Variants in CELF2 observed in about 807,000 individuals in gnomAD.
CELF2 encodes the protein CUG triplet repeat RNA-binding protein 2.
A neutral mutation model predicts 62.6 loss-of-function variants in CELF2; 8 were observed. The ratio of observed to expected loss-of-function variants is 0.13; its 90% CI spans 0.07 to 0.23. The LOEUF (loss-of-function observed/expected upper bound fraction) is 0.23, where lower values mean the gene tolerates loss of function less well. Ranked by LOEUF, CELF2 falls within the 10% of genes least tolerant of loss-of-function variation. CELF2 has a pLI of 1.00. For synonymous variants in CELF2, 258 were observed against 250.0 expected, an observed-to-expected ratio of 1.03 and a Z score of -0.30; for missense variants, 333 against 671.0, an observed-to-expected ratio of 0.50 and a Z score of 5.56.
intron 2 of CELF2, among the ~76,000 whole-genome samples, chr10:10,975,242 G>A (rs939063490): frequency 2.0e-5 from 3 of 152,086 alleles, no homozygotes; most frequent in Non-Finnish European, 2.9e-5. Flanking sequence ...CACAGCCTCT[G>A]GAGTAGCTGG....
At chr10:10,680,983 T>C in the CELF2 span, among the ~76,000 whole-genome samples, 1 of 152,236 alleles carries the variant, frequency 6.6e-6, no homozygotes, top group Admixed American at 6.5e-5. Flanking sequence ...TGTAAATTCC[T>C]CATGTAAATA....
the CELF2 span, among the ~76,000 whole-genome samples, chr10:10,712,147 CAA>C: frequency 4.1e-4 from 18 of 43,422 alleles, no homozygotes; most frequent in East Asian, 2.4e-3. Context: ...AGGATAGAGA[CAA>C]AAAAAAAAAA....
chr10:10,976,953 C>A (rs1054356695), intron 2 of CELF2, among the ~76,000 whole-genome samples: 41 of 152,116 alleles, frequency 2.7e-4, no homozygotes, highest in African/African-American at 9.7e-4. Flanking sequence ...TCTGCTGTCC[C>A]CATCACTGAC....
At chr10:10,909,782 C>T (rs1405799689) in intron 1 of CELF2, among the ~76,000 whole-genome samples, 2 of 152,138 alleles carry the variant, frequency 1.3e-5, no homozygotes, top group Non-Finnish European at 2.9e-5. Context: ...CTTCCCATTA[C>T]TTGTCATTAT....
At chr10:10,531,238 C>G in the CELF2 span, among the ~76,000 whole-genome samples, 1 of 152,164 alleles carries the variant, frequency 6.6e-6, no homozygotes, top group African/African-American at 2.4e-5. Flanking sequence ...TGGGGAACAC[C>G]TACGTCAGAA....
At chr10:11,002,257 A>C (rs538267056), upstream of CELF2, among the ~76,000 whole-genome samples, 1 of 152,296 alleles carries the variant, frequency 6.6e-6, no homozygotes, top group African/African-American at 2.4e-5. This position sits in a 1 kb window ranked among gnomAD's most constrained non-coding sequence, Gnocchi z 4.4. Flanking sequence ...CTACCACGAG[A>C]ACAGAATGGG....
intron 1 of CELF2, among the ~76,000 whole-genome samples, chr10:11,019,671 T>A (rs2137978737): frequency 6.6e-6 from 1 of 152,286 alleles, no homozygotes; most frequent in African/African-American, 2.4e-5. Context: ...ATTAAGAATG[T>A]TAATTTGCTT....
chr10:11,049,662 T>C (rs1209974913), intron 1 of CELF2, among the ~76,000 whole-genome samples: 1 of 151,910 alleles, frequency 6.6e-6, no homozygotes, highest in African/African-American at 2.4e-5. Flanking sequence ...CGGCACATAC[T>C]TAGAGAATTT....
chr10:10,527,094 A>T, the CELF2 span, among the ~76,000 whole-genome samples: 160 of 152,354 alleles, frequency 1.1e-3, no homozygotes, highest in African/African-American at 3.8e-3. Flanking sequence ...TCACCACTGC[A>T]GTACTCCAAT....
chr10:11,311,387 C>T lies in CELF2; in HGVS notation c.977-2752C>T, dbSNP rs917652398. 1.6e-4 allele frequency among the ~76,000 whole-genome samples: 25 copies of T among 152,214 alleles called. No individual in the cohort carries two copies. Among genetic ancestry groups the T allele is most frequent in the African/African-American group, 6.0e-4 (25 of 41,530 alleles). ...ATCTTGAAAGAACCCATCTTCAACCCAGGCCTCAAATTATTCCTAGAAATA... is the reference window on the plus strand; with the variant it reads ...ATCTTGAAAGAACCCATCTTCAACCTAGGCCTCAAATTATTCCTAGAAATA... On this transcript the variant is annotated intron_variant, in intron 9 of 12. Transcript: ENST00000633077. This position sits in a 1 kb window ranked among gnomAD's most constrained non-coding sequence, Gnocchi z 4.7.
rs1352643644 is a variant in CELF2 at position 11,319,239 on chromosome 10, T to G, written c.1097-1950T>G. On this transcript the variant is annotated intron_variant, in intron 10 of 12. Transcript: ENST00000633077. This position sits in a 1 kb window ranked among gnomAD's most constrained non-coding sequence, Gnocchi z 4.4. ...GCCAAAGTGAGACCAACAGAATTTA[T>G]CAGCAGCGTCCAGCCCTTCCCGAGT... 2.8e-5 allele frequency: 11 copies of G among 391,066 alleles called. No homozygotes were observed. The highest frequency in any genetic ancestry group is 5.3e-5 in the Non-Finnish European group (10 of 190,394). 24.2% of individuals were successfully genotyped at this position (391,066 alleles called of 1,614,324 possible).
At position 11,117,590 on chromosome 10, in the gene CELF2, TAAA is replaced by T. The variant is rs1452237211; in HGVS notation, c.75-47893_75-47891del. On this transcript the variant is annotated intron_variant, in intron 1 of 12. Transcript: ENST00000633077. This position sits in a 1 kb window ranked among gnomAD's most constrained non-coding sequence, Gnocchi z 4.1. ...ATGTCTGACTCCATAATATTTATGA[TAAA>T]AACAAAAACCACGTGTGTGATGGTA... is the stretch of plus-strand genomic sequence containing the variant. Among the ~76,000 whole-genome samples the T allele has an allele frequency of 6.6e-6, 1 of 152,126 alleles. No homozygotes were observed. Among genetic ancestry groups the T allele is most frequent in the Non-Finnish European group, 1.5e-5 (1 of 68,016 alleles).
At chr10:11,197,025 A>AAAAGAAAGAAAG (rs774383276) in intron 2 of CELF2, among the ~76,000 whole-genome samples, 1,423 of 26,128 alleles carry the variant, frequency 0.054, 424 homozygotes, top group Non-Finnish European at 0.084. Context: ...AGAAAGAAAG[A>AAAAGAAAGAAAG]AAAGAAAGAA....
chr10:10,723,727 G>A, the CELF2 span, among the ~76,000 whole-genome samples: 14 of 152,278 alleles, frequency 9.2e-5, no homozygotes, highest in East Asian at 7.7e-4. Flanking sequence ...CTGGGAGGAC[G>A]AGAAAGGGGA....
intron 1 of CELF2, among the ~76,000 whole-genome samples, chr10:10,827,191 T>C (rs982346995): frequency 4.6e-5 from 7 of 152,212 alleles, no homozygotes; most frequent in African/African-American, 1.7e-4. Context: ...GAAGGACTTA[T>C]TCTCCTGCAT....
chr10:10,864,099 G>A (rs1328646572), intron 1 of CELF2, among the ~76,000 whole-genome samples: 1 of 151,918 alleles, frequency 6.6e-6, no homozygotes, highest in Non-Finnish European at 1.5e-5. Context: ...ATATAATAAG[G>A]GCTTAGTCAA....
intron 2 of CELF2, among the ~76,000 whole-genome samples, chr10:10,958,253 G>T: frequency 6.6e-6 from 1 of 152,176 alleles, no homozygotes; most frequent in East Asian, 1.9e-4. Context: ...CACTTTTCCT[G>T]GGCTTTGCAG....
chr10:10,645,201 C>A, the CELF2 span, among the ~76,000 whole-genome samples: 5 of 152,084 alleles, frequency 3.3e-5, no homozygotes, highest in African/African-American at 9.7e-5. Context: ...TCTGTGGAAT[C>A]CCCCCTTGTT....
chr10:11,141,415 A>G (rs2061341296), intron 1 of CELF2, among the ~76,000 whole-genome samples: 1 of 152,246 alleles, frequency 6.6e-6, no homozygotes, highest in Admixed American at 6.5e-5. Flanking sequence ...GAGTGAGGCT[A>G]TAAAATAAGC....
Sources: gnomAD v4.1 joint callset for allele counts (sites outside exome capture counted in the v4.1 genomes callset) on GRCh38, gnomAD v4.1.1 for gene constraint, Gnocchi (gnomAD v3.1) non-coding constraint, MANE v1.5 for transcripts, NCBI Gene and HGNC (gene_info 2026-07-23, HGNC 2026-07-21) for gene names.